The following HDAC9 variants were observed in gnomAD, a reference collection of about 807,000 sequenced individuals.
HDAC9 encodes the protein MEF-2 interacting transcription repressor (MITR) protein.
In HDAC9, 41 loss-of-function variants were observed where a neutral mutation model predicts 139.4. The ratio of observed to expected loss-of-function variants is 0.29; its 90% CI spans 0.23 to 0.38. The LOEUF (loss-of-function observed/expected upper bound fraction) is 0.38. Among genes scored for constraint, HDAC9 ranks in the 10% least tolerant of loss-of-function variants. HDAC9 has a pLI of 1.00. For missense variants in HDAC9, 1,147 were observed against 1,297.0 expected (o/e 0.88, Z 1.78); for synonymous variants, 517 against 476.2 (o/e 1.09, Z -1.12).
chr7:18,618,916 A>G (rs1839453472), intron 6 of HDAC9, among the ~76,000 whole-genome samples: 1 of 151,786 alleles, frequency 6.6e-6, no homozygotes, highest in Non-Finnish European at 1.5e-5. Flanking sequence ...ACCAATTCAG[A>G]AGTATACTTT....
At chr7:18,605,154 C>T (rs1835104969) in intron 6 of HDAC9, among the ~76,000 whole-genome samples, 1 of 152,076 alleles carries the variant, frequency 6.6e-6, no homozygotes, top group African/African-American at 2.4e-5. Flanking sequence ...TTTGGGGTTT[C>T]CCTAAGAGCT....
At chr7:18,399,052 ATTGCAGTTGGATTTCTTTTCCT>A (rs1185337435) in intron 1 of HDAC9, among the ~76,000 whole-genome samples, 2 of 152,186 alleles carry the variant, frequency 1.3e-5, no homozygotes, top group Admixed American at 1.3e-4. Context: ...GGGCAAAGTT[ATTGCAGTTGGATTTCTTTTCCT>A]TTGCCCACTG....
intron 21 of HDAC9, among the ~76,000 whole-genome samples, chr7:18,851,028 A>T (rs1170299583): frequency 1.3e-5 from 2 of 152,218 alleles, no homozygotes; most frequent in Non-Finnish European, 2.9e-5. Context: ...GGACACATTT[A>T]GGCCATAGCA....
chr7:18,696,283 T>C (rs1267516628), intron 12 of HDAC9, among the ~76,000 whole-genome samples: 1 of 150,506 alleles, frequency 6.6e-6, no homozygotes, highest in Non-Finnish European at 1.5e-5. Flanking sequence ...TGTCACAAGA[T>C]GCAAAACTAC....
At chr7:18,363,077 T>A (rs1783907501) in intron 1 of HDAC9, among the ~76,000 whole-genome samples, 1 of 152,182 alleles carries the variant, frequency 6.6e-6, no homozygotes, top group Non-Finnish European at 1.5e-5. Context: ...AGAATGTTTA[T>A]GTCAAGAAAA....
intron 23 of HDAC9, among the ~76,000 whole-genome samples, chr7:18,938,230 C>CAAAAAAAAAAAAAAAAAAAAA (rs71553939): frequency 1.3e-5 from 1 of 75,352 alleles, no homozygotes; most frequent in Non-Finnish European, 2.5e-5. Flanking sequence ...GACTCCGTCT[C>CAAAAAAAAAAAAAAAAAAAAA]AAAAAAAAAA....
intron 1 of HDAC9, among the ~76,000 whole-genome samples, chr7:18,429,961 C>A (rs769833091): frequency 6.6e-6 from 1 of 152,048 alleles, no homozygotes; most frequent in Non-Finnish European, 1.5e-5. Flanking sequence ...TTATAAATAC[C>A]ACTTGGGTGT....
In HDAC9 at chr7:19,000,653, GACTTGAT is replaced by G. The variant is rs1470750691; in HGVS notation, c.*4592_*4598del. The G allele has an allele frequency of 2.6e-5, 4 of 152,170 alleles. No homozygotes were observed. Among genetic ancestry groups the G allele is most frequent in the African/African-American group, 9.7e-5 (4 of 41,442 alleles). 9.4% of individuals were successfully genotyped at this position (152,170 alleles called of 1,614,324 possible). A position where few individuals can be genotyped will look rare whatever the true frequency, so the allele number is the denominator to read the frequency against. Reference sequence around the variant, plus strand: ...TTAGACTTTTGATTGGGGCTGTTTGGACTTGATCCAATGATAAGGTAATAAGGTTGTT... The same window carrying G: ...TTAGACTTTTGATTGGGGCTGTTTGGCCAATGATAAGGTAATAAGGTTGTT... On this transcript the variant is annotated 3_prime_UTR_variant, in exon 26 of 26. Coordinates refer to ENST00000686413, the MANE Select transcript of HDAC9 (RefSeq NM_178425.4).
intron 6 of HDAC9, 80 bp from the exon 7 acceptor site, chr7:18,629,266 CTTTT>C: frequency 3.0e-6 from 3 of 1,014,712 alleles, no homozygotes; most frequent in Admixed American, 3.6e-5. Flanking sequence ...AAGGGTGAGA[CTTTT>C]TTTTTTTTTA....
At chr7:18,841,460 T>TA (rs1384335680) in intron 21 of HDAC9, among the ~76,000 whole-genome samples, 5 of 152,098 alleles carry the variant, frequency 3.3e-5, no homozygotes, top group Admixed American at 3.3e-4. Context: ...TTCATTTTTT[T>TA]AAAAAGCTTT....
intron 14 of HDAC9, among the ~76,000 whole-genome samples, chr7:18,758,911 T>C (rs1789123637): frequency 6.6e-6 from 1 of 152,024 alleles, no homozygotes; most frequent in Admixed American, 6.6e-5. Context: ...CAAGAATAAG[T>C]ACTTCCTTAT....
At chr7:18,965,265 G>C (rs1166862043) in intron 24 of HDAC9, among the ~76,000 whole-genome samples, 4 of 152,110 alleles carry the variant, frequency 2.6e-5, no homozygotes, top group African/African-American at 7.2e-5. Flanking sequence ...CCAGGACATG[G>C]GATAGTTTAT....
At chr7:18,995,303 C>T (rs1404835390) in intron 25 of HDAC9, among the ~76,000 whole-genome samples, 1 of 152,160 alleles carries the variant, frequency 6.6e-6, no homozygotes, top group East Asian at 1.9e-4. Context: ...TTGGATTCCT[C>T]CTACAATTTA....
chr7:18,406,431 C>T (rs1371299933), intron 1 of HDAC9, among the ~76,000 whole-genome samples: 6 of 151,356 alleles, frequency 4.0e-5, no homozygotes, highest in African/African-American at 1.2e-4. Flanking sequence ...CTCGCTCTGT[C>T]GCCCGGGCTG....
At chr7:18,818,240 A>G (rs1794712235) in intron 17 of HDAC9, among the ~76,000 whole-genome samples, 1 of 152,216 alleles carries the variant, frequency 6.6e-6, no homozygotes, top group African/African-American at 2.4e-5. Flanking sequence ...AAGCACTGGG[A>G]GGTAATTATT....
chr7:18,618,930 A>T (rs1839458476), intron 6 of HDAC9, among the ~76,000 whole-genome samples: 1 of 151,786 alleles, frequency 6.6e-6, no homozygotes, highest in Non-Finnish European at 1.5e-5. Context: ...ATACTTTATA[A>T]TAAAACTTTG....
chr7:18,945,287 C>G (rs1362539807), intron 23 of HDAC9, among the ~76,000 whole-genome samples: 1 of 152,172 alleles, frequency 6.6e-6, no homozygotes, highest in South Asian at 2.1e-4. Context: ...TGCGGTAAAG[C>G]AGTTCTTCAT....
At chr7:18,780,782 A>G (rs748156473) in intron 16 of HDAC9, among the ~76,000 whole-genome samples, 1 of 152,014 alleles carries the variant, frequency 6.6e-6, no homozygotes, top group Non-Finnish European at 1.5e-5. Context: ...AGCATCTATT[A>G]TGTGTCAGAC....
intron 21 of HDAC9, among the ~76,000 whole-genome samples, chr7:18,866,744 T>C (rs1445001255): frequency 1.3e-5 from 2 of 152,162 alleles, no homozygotes; most frequent in Non-Finnish European, 2.9e-5. Context: ...CAAGCCAAAG[T>C]TCTGGTCCTA....
Sources: allele counts gnomAD v4.1 joint callset (sites outside exome capture counted in the v4.1 genomes callset), GRCh38; gene constraint gnomAD v4.1.1; transcripts MANE v1.5; gene names NCBI Gene and HGNC (gene_info 2026-07-23, HGNC 2026-07-21).